IGF1: variants seen among roughly 807,000 people sequenced by gnomAD.
IGF1 encodes insulin like growth factor 1, also known as insulin-like growth factor 1.
A neutral mutation model predicts 13.8 loss-of-function variants in IGF1; 4 were observed. That is an observed-to-expected ratio of 0.29 (90% confidence interval 0.14 to 0.66). IGF1 has a LOEUF of 0.66. Ranked by LOEUF, IGF1 falls within the 30% of genes least tolerant of loss-of-function variation. IGF1 has a pLI of 0.78. For missense variants in IGF1, 124 were observed against 188.5 expected, an observed-to-expected ratio of 0.66 and a Z score of 2.00; for synonymous variants, 76 against 72.6, an observed-to-expected ratio of 1.05 and a Z score of -0.23.
intron 2 of IGF1, among the ~76,000 whole-genome samples, chr12:102,438,804 A>G (rs1292245173): frequency 6.6e-6 from 1 of 152,226 alleles, no homozygotes; most frequent in Non-Finnish European, 1.5e-5. Flanking sequence ...GTTCAGAATA[A>G]CATAACTCTG....
At chr12:102,450,652 C>T (rs1878841601) in intron 2 of IGF1, among the ~76,000 whole-genome samples, 1 of 152,208 alleles carries the variant, frequency 6.6e-6, no homozygotes, top group Admixed American at 6.5e-5. Flanking sequence ...ATTTGCCTTT[C>T]TTTCAAACTC....
At chr12:102,472,812 A>G (rs1880768682) in intron 2 of IGF1, among the ~76,000 whole-genome samples, 1 of 152,190 alleles carries the variant, frequency 6.6e-6, no homozygotes, top group Admixed American at 6.5e-5. Flanking sequence ...CACAAAACAG[A>G]CATCAATGTA....
chr12:102,452,261 CAAAAAAA>C (rs538007224), intron 2 of IGF1, among the ~76,000 whole-genome samples: 8 of 42,176 alleles, frequency 1.9e-4, no homozygotes, highest in Middle Eastern at 0.022. Context: ...GACTCCGTCT[CAAAAAAA>C]AAAAAAAAAA....
At chr12:102,411,822 C>T (rs1874671770) in intron 3 of IGF1, among the ~76,000 whole-genome samples, 1 of 152,060 alleles carries the variant, frequency 6.6e-6, no homozygotes, top group Non-Finnish European at 1.5e-5. Context: ...GGCATGAAAG[C>T]ATATGAGAAA....
chr12:102,428,236 GTA>G lies in IGF1; in HGVS notation c.221-8548_221-8547del, dbSNP rs56947594. 1.3e-4 allele frequency among the ~76,000 whole-genome samples: 9 copies of G among 69,570 alleles called. 1 individual carries two copies. Among genetic ancestry groups the G allele is most frequent in the East Asian group, 7.9e-4 (2 of 2,516 alleles). The allele number at this position is 69,570 out of a possible 152,430, so 45.6% of individuals were successfully genotyped here. A position where few individuals can be genotyped will look rare whatever the true frequency, so the allele number is the denominator to read the frequency against. On this transcript the variant is annotated intron_variant, in intron 2 of 3. Coordinates refer to ENST00000337514, the MANE Select transcript of IGF1 (RefSeq NM_000618.5). ...CGACCCACTTTGTAATCAATAATGT[GTA>G]TATATATATATGGCATATTAATGTT...
rs1881337366 is a variant in IGF1, at chr12:102,480,492, G to T, written c.-111C>A. On this transcript the variant is annotated 5_prime_UTR_variant, in exon 1 of 4. Coordinates refer to ENST00000337514, the MANE Select transcript of IGF1 (RefSeq NM_000618.5). ...GAGCAATGTCACATTTCAATTTTGA[G>T]GACTTTATTCCATTGCGCAGGCTCT... 1.9e-6 allele frequency: 3 copies of T among 1,572,492 alleles called. No individual in the cohort carries two copies. The East Asian group carries it at 6.9e-5, about 36-fold the overall frequency.
chr12:102,421,580 C>T (rs188434284), intron 2 of IGF1, among the ~76,000 whole-genome samples: 1 of 152,232 alleles, frequency 6.6e-6, no homozygotes. Flanking sequence ...TTGCCCATTA[C>T]AGGTAATGAT....
Position 102,396,969 on chromosome 12 carries a change from G to A in IGF1, c.*5538C>T, listed in dbSNP as rs546707849. ...TGTAATCCCAGCAATTTGGGAGGCT[G>A]AGGCGGGCAAATCACAAGGTCAGGA... On this transcript the variant is annotated 3_prime_UTR_variant, in exon 4 of 4. Transcript: ENST00000337514. The A allele has an allele frequency of 1.7e-4, 66 of 397,358 alleles. No individual in the cohort carries two copies. The highest frequency in any genetic ancestry group is 1.2e-3 in the African/African-American group (59 of 48,674). The allele number at this position is 397,358 out of a possible 1,614,324, so 24.6% of individuals were successfully genotyped here. A position where few individuals can be genotyped will look rare whatever the true frequency, so the allele number is the denominator to read the frequency against.
At chr12:102,416,769 A>C (rs1257404383) in intron 3 of IGF1, among the ~76,000 whole-genome samples, 1 of 152,234 alleles carries the variant, frequency 6.6e-6, no homozygotes, top group Non-Finnish European at 1.5e-5. Flanking sequence ...ATCAGAGATC[A>C]GAAGTCTTCT....
chr12:102,417,791 CCTCTGT>C (rs1565968628), intron 3 of IGF1: 3 of 1,613,348 alleles, frequency 1.9e-6, no homozygotes, highest in Admixed American at 3.3e-5. Flanking sequence ...ATCATCCTTG[CCTCTGT>C]CTGTTTAATC....
chr12:102,416,322 G>A (rs1333119457), intron 3 of IGF1, among the ~76,000 whole-genome samples: 1 of 152,268 alleles, frequency 6.6e-6, no homozygotes, highest in East Asian at 1.9e-4. Flanking sequence ...TATTATCTAT[G>A]AAGACCCCAA....
intron 2 of IGF1, among the ~76,000 whole-genome samples, chr12:102,462,016 TA>T (rs886239940): frequency 6.6e-5 from 10 of 152,218 alleles, no homozygotes; most frequent in African/African-American, 2.4e-5. Flanking sequence ...GGTATCGGGT[TA>T]AAATGCAGAT....
Position 102,400,310 on chromosome 12 carries a change from T to C in IGF1, c.*2197A>G, listed in dbSNP as rs771430306. 6.6e-6 allele frequency: 1 copy of C among 152,202 alleles called. No individual in the cohort carries two copies. Among genetic ancestry groups the C allele is most frequent in the Non-Finnish European group, 1.5e-5 (1 of 68,038 alleles). 9.4% of individuals were successfully genotyped at this position (152,202 alleles called of 1,614,324 possible). ...TCTAAGGTGACTAGAAAGATCTGAA[T>C]GCTGGATAATTCATTGTTCTAATGA... On this transcript the variant is annotated 3_prime_UTR_variant, in exon 4 of 4. Coordinates refer to ENST00000337514, the MANE Select transcript of IGF1 (RefSeq NM_000618.5).
chr12:102,408,513 G>A (rs1033630525), intron 3 of IGF1, among the ~76,000 whole-genome samples: 2 of 152,168 alleles, frequency 1.3e-5, no homozygotes, highest in African/African-American at 4.8e-5. Flanking sequence ...AACAGAGTGA[G>A]GGATATGTAC....
At chr12:102,442,541 C>T (rs187924256) in intron 2 of IGF1, among the ~76,000 whole-genome samples, 2 of 152,246 alleles carry the variant, frequency 1.3e-5, no homozygotes, top group Non-Finnish European at 2.9e-5. Flanking sequence ...AACCCCACTA[C>T]CTCAACCCCT....
At chr12:102,404,537 A>G (rs1873969271) in intron 3 of IGF1, among the ~76,000 whole-genome samples, 1 of 152,202 alleles carries the variant, frequency 6.6e-6, no homozygotes, top group Non-Finnish European at 1.5e-5. Context: ...AGATGGCATC[A>G]TTGTGTAAAA....
chr12:102,467,458 C>CT (rs1880408020), intron 2 of IGF1, among the ~76,000 whole-genome samples: 1 of 152,158 alleles, frequency 6.6e-6, no homozygotes, highest in East Asian at 1.9e-4. Flanking sequence ...CATTCCAAAG[C>CT]ATTTCTACCA....
At chr12:102,475,587 CCA>C in intron 2 of IGF1, 54 bp downstream of exon 2, 1 of 1,600,832 alleles carries the variant, frequency 6.2e-7, no homozygotes, top group Non-Finnish European at 8.6e-7. Context: ...GGTTGTAAAT[CCA>C]CAGAGCTGTA....
chr12:102,429,851 G>A (rs1184140076), intron 2 of IGF1, among the ~76,000 whole-genome samples: 3 of 152,192 alleles, frequency 2.0e-5, no homozygotes, highest in Admixed American at 6.5e-5. Context: ...CTGGCCAACC[G>A]CTCACTTCTG....
Sources: allele counts gnomAD v4.1 joint callset (sites outside exome capture counted in the v4.1 genomes callset), GRCh38; gene constraint gnomAD v4.1.1; transcripts MANE v1.5; gene names NCBI Gene and HGNC (gene_info 2026-07-23, HGNC 2026-07-21).